Variants in EFHD2 observed in about 807,000 individuals in gnomAD.
The protein encoded by EFHD2 is EF-hand domain family member D2, also known as EF-hand domain-containing protein D2.
In EFHD2, 12 loss-of-function variants were observed where a neutral mutation model predicts 20.3. The observed-to-expected ratio is 0.59, with a 90% CI of 0.38 to 0.96. The LOEUF is 0.96. Ranked by LOEUF, EFHD2 falls within the 40% of genes least tolerant of loss-of-function variation. The probability of loss-of-function intolerance (pLI) is 0.00; values close to 1 mark genes in which losing one functional copy is unlikely to be tolerated. For missense variants in EFHD2, 250 were observed against 334.3 expected (o/e 0.75, Z 1.97); for synonymous variants, 131 against 143.9 (o/e 0.91, Z 0.64).
rs1459951483 is a variant in EFHD2, at chr1:15,418,113, C to T, written c.309-7758C>T. On this transcript the variant is annotated intron_variant, in intron 1 of 3. Coordinates refer to ENST00000375980, the MANE Select transcript of EFHD2 (RefSeq NM_024329.6). ...CAAACAATTCTTCTGCCTCAGCCTC[C>T]CTAGTAGCTGGGATTACAGGCATGC... Among the ~76,000 whole-genome samples, 3 of 149,482 alleles carry T rather than the reference C, an allele frequency of 2.0e-5. No individual in the cohort carries two copies. The East Asian group carries it at 6.0e-4, about 30-fold the overall frequency.
At chr1:15,428,556 A>C (rs996510668) in intron 3 of EFHD2, 37 bp from the exon 4 acceptor site, 1 of 1,603,500 alleles carries the variant, frequency 6.2e-7, no homozygotes, top group Admixed American at 1.7e-5. Context: ...AACATACACC[A>C]TCCAGCCCTG....
chr1:15,410,338 A>T (rs1057438456), intron 1 of EFHD2, 59 bp downstream of exon 1: 676 of 1,485,838 alleles, frequency 4.5e-4, no homozygotes, highest in Non-Finnish European at 5.5e-4. Context: ...CGGGCCCCGA[A>T]CCCCCCGATC....
chr1:15,418,415 C>A (rs1429110803), intron 1 of EFHD2, among the ~76,000 whole-genome samples: 1 of 149,010 alleles, frequency 6.7e-6, no homozygotes, highest in Admixed American at 6.7e-5. Context: ...ACGCCATTCT[C>A]CTGCCTCAGC....
chr1:15,414,529 A>G (rs1279536587), intron 1 of EFHD2, among the ~76,000 whole-genome samples: 1 of 152,262 alleles, frequency 6.6e-6, no homozygotes, highest in Non-Finnish European at 1.5e-5. Context: ...GCAAGTCGTT[A>G]CTAAATGACT....
At chr1:15,422,479 C>T (rs549507483) in intron 1 of EFHD2, among the ~76,000 whole-genome samples, 2 of 152,234 alleles carry the variant, frequency 1.3e-5, no homozygotes, top group African/African-American at 4.8e-5. Flanking sequence ...GCATCCCCCC[C>T]ACCTCCGCCG....
chr1:15,418,809 A>G (rs1327915986), intron 1 of EFHD2, among the ~76,000 whole-genome samples: 1 of 152,062 alleles, frequency 6.6e-6, no homozygotes, highest in Non-Finnish European at 1.5e-5. Context: ...GGCATAGCAT[A>G]GTCGTTAAGA....
At chr1:15,424,619 C>A (rs1241716828) in intron 1 of EFHD2, among the ~76,000 whole-genome samples, 1 of 152,260 alleles carries the variant, frequency 6.6e-6, no homozygotes, top group Non-Finnish European at 1.5e-5. Flanking sequence ...CCTGAACACA[C>A]CCAGGCTGCC....
intron 1 of EFHD2, among the ~76,000 whole-genome samples, chr1:15,417,224 C>G (rs1316833225): frequency 1.3e-5 from 2 of 152,198 alleles, no homozygotes; most frequent in African/African-American, 4.8e-5. Context: ...TGAGGTTGAC[C>G]TAAGGTTATC....
rs1387706992 is a variant in EFHD2, at chr1:15,429,650, G to GT, written c.*927dup. On this transcript the variant is annotated 3_prime_UTR_variant, in exon 4 of 4. Coordinates refer to ENST00000375980, the MANE Select transcript of EFHD2 (RefSeq NM_024329.6). The stretch of plus-strand genomic sequence containing the variant: ...GAAGCCTCCGAGAAGTGCTTTAAGT[G>GT]TGTTTGCATGCGCCAGGCGGTGGGC... 1 of 152,520 alleles carries GT rather than the reference G, an allele frequency of 6.6e-6. No homozygotes were observed. Among genetic ancestry groups the GT allele is most frequent in the African/African-American group, 2.4e-5 (1 of 41,444 alleles). The allele number at this position is 152,520 out of a possible 1,614,324, so 9.4% of individuals were successfully genotyped here.
rs770880588 is a variant in EFHD2 at position 15,426,055 on chromosome 1, G to C, written c.456+37G>C. On this transcript the variant is annotated intron_variant, in intron 2 of 3. Transcript: ENST00000375980. The surrounding 1 kb of genome is among the most constrained non-coding windows in gnomAD (Gnocchi z 4.6). ...CCCCAGCCCCACTCCCCTACCAGGG[G>C]CTTCACCTGAGGACCTGGTGGCCCG... 3 of 1,531,404 alleles carry C rather than the reference G, an allele frequency of 2.0e-6. No homozygotes were observed. Among genetic ancestry groups the C allele is most frequent in the Non-Finnish European group, 2.6e-6 (3 of 1,144,066 alleles). The allele number at this position is 1,531,404 out of a possible 1,614,324, so 94.9% of individuals were successfully genotyped here. A position where few individuals can be genotyped will look rare whatever the true frequency, so the allele number is the denominator to read the frequency against.
chr1:15,415,759 G>A (rs180849247), intron 1 of EFHD2, among the ~76,000 whole-genome samples: 3 of 152,152 alleles, frequency 2.0e-5, no homozygotes, highest in Admixed American at 2.0e-4. Context: ...CAAAGTGCTG[G>A]GATTACAGAC....
chr1:15,417,903 G>A (rs1707704985), intron 1 of EFHD2, among the ~76,000 whole-genome samples: 1 of 151,864 alleles, frequency 6.6e-6, no homozygotes, highest in Non-Finnish European at 1.5e-5. Flanking sequence ...TTTTTGCAAT[G>A]ACTCTGCTTC....
In EFHD2 at chr1:15,418,594, G is replaced by T. The variant is rs10927784; in HGVS notation, c.309-7277G>T. ...TGCTGGGATTACAGGCGGGAGCCAC[G>T]GCACCCGGCCGCAACTTTCTAATAG... On this transcript the variant is annotated intron_variant, in intron 1 of 3. Transcript: ENST00000375980. Among the ~76,000 whole-genome samples the T allele has an allele frequency of 6.0e-4, 91 of 151,760 alleles. 1 individual carries two copies. The highest frequency in any genetic ancestry group is 6.9e-3 in the Middle Eastern group (2 of 288).
intron 1 of EFHD2, among the ~76,000 whole-genome samples, chr1:15,412,277 C>T (rs1393600787): frequency 6.6e-6 from 1 of 152,034 alleles, no homozygotes; most frequent in Non-Finnish European, 1.5e-5. Context: ...CTGCCCCCAT[C>T]GGGCAGTGCA....
Position 15,410,189 on chromosome 1 carries a change from A to G in EFHD2, c.218A>G (p.Gln73Arg). The change falls in exon 1 of 4, where the codon CAG becomes CGG. Residue 73 changes from glutamine to arginine, a missense_variant. Around this residue, in one of 3 missense-constraint regions of EFHD2, gnomAD observed 143 missense variants for 190.6 expected, o/e 0.75. Transcript: ENST00000375980. ...ADLNQGIGEP[Q>R]SPSRRVFNPY... ...CTCAACCAGGGCATCGGCGAGCCCCAGTCGCCCAGCCGCCGCGTCTTCAAC... is the reference window on the plus strand; with the variant it reads ...CTCAACCAGGGCATCGGCGAGCCCCGGTCGCCCAGCCGCCGCGTCTTCAAC... The G allele has an allele frequency of 6.2e-7, 1 of 1,605,284 alleles. No individual in the cohort carries two copies. The highest frequency in any genetic ancestry group is 1.1e-5 in the South Asian group (1 of 89,942).
chr1:15,414,036 G>C (rs556429061), intron 1 of EFHD2, among the ~76,000 whole-genome samples: 3 of 152,324 alleles, frequency 2.0e-5, no homozygotes, highest in Admixed American at 6.5e-5. Flanking sequence ...GCCCACCCCT[G>C]GGCTGACAAC....
intron 1 of EFHD2, among the ~76,000 whole-genome samples, chr1:15,415,349 C>A (rs1707642686): frequency 6.6e-6 from 1 of 152,112 alleles, no homozygotes; most frequent in Non-Finnish European, 1.5e-5. Flanking sequence ...TCTTTGTAGC[C>A]AGCCCCCTGC....
At position 15,428,658 on chromosome 1, in the gene EFHD2, G is replaced by A; in HGVS notation, c.657G>A (p.Lys219=). Residue 219 remains lysine, a synonymous_variant, in exon 4 of 4, where the codon AAG becomes AAA. Transcript: ENST00000375980. ...EEIKAEQEER[K]KQAEEMKQRK... ...TCAAGGCAGAGCAGGAGGAAAGGAA[G>A]AAGCAGGCGGAGGAGATGAAGCAGC... The A allele has an allele frequency of 1.2e-6, 2 of 1,609,176 alleles. No individual in the cohort carries two copies. The highest frequency in any genetic ancestry group is 1.7e-6 in the Non-Finnish European group (2 of 1,178,262).
At chr1:15,414,226 C>T (rs1291734084) in intron 1 of EFHD2, among the ~76,000 whole-genome samples, 1 of 152,248 alleles carries the variant, frequency 6.6e-6, no homozygotes, top group East Asian at 1.9e-4. Flanking sequence ...TCTCAGGACA[C>T]CTTACGTCAG....
Sources: gnomAD v4.1 joint callset for allele counts (sites outside exome capture counted in the v4.1 genomes callset) on GRCh38, gnomAD v4.1.1 for gene constraint, gnomAD v4.1.1 regional missense constraint, Gnocchi (gnomAD v3.1) non-coding constraint, MANE v1.5 for transcripts, NCBI Gene and HGNC (gene_info 2026-07-23, HGNC 2026-07-21) for gene names.